Variants in FGF12 observed in about 807,000 individuals in gnomAD.
FGF12 encodes the protein fibroblast growth factor 12, also known as fibroblast growth factor 12B.
In FGF12, 14 loss-of-function variants were observed where a neutral mutation model predicts 23.6. The ratio of observed to expected loss-of-function variants is 0.59; its 90% CI spans 0.39 to 0.93. FGF12 has a LOEUF of 0.93. FGF12 is among the 40% of genes least tolerant of loss of function. FGF12 has a pLI of 0.00. For synonymous variants in FGF12, 62 were observed against 77.3 expected (o/e 0.80, Z 1.04); for missense variants, 175 against 217.8 (o/e 0.80, Z 1.24).
Position 192,141,778 on chromosome 3 carries a change from A to T in FGF12, c.*2231T>A, listed in dbSNP as rs956052727. On this transcript the variant is annotated 3_prime_UTR_variant, in exon 6 of 6. Coordinates refer to ENST00000445105, the MANE Select transcript of FGF12 (RefSeq NM_004113.6). ...ATGATTTGCATCAATTGTGTTATTT[A>T]TGAAACCATCGTTTTACTGATGAGT... 1 of 138,076 alleles carries T rather than the reference A, an allele frequency of 7.2e-6. No homozygotes were observed. The highest frequency in any genetic ancestry group is 7.3e-5 in the Admixed American group (1 of 13,676). The allele number at this position is 138,076 out of a possible 1,614,324, so 8.6% of individuals were successfully genotyped here.
intron 4 of FGF12, among the ~76,000 whole-genome samples, chr3:192,316,451 T>C (rs1022380049): frequency 6.6e-6 from 1 of 152,112 alleles, no homozygotes; most frequent in Non-Finnish European, 1.5e-5. Context: ...ACCTGTGTGT[T>C]TGGGGTAAGG....
intron 4 of FGF12, among the ~76,000 whole-genome samples, chr3:192,221,627 G>C (rs1236713564): frequency 6.6e-6 from 1 of 152,106 alleles, no homozygotes; most frequent in African/African-American, 2.4e-5. Context: ...AAGTGACTTA[G>C]GAAGGCTTAA....
At chr3:192,191,563 C>T (rs902164089) in intron 4 of FGF12, among the ~76,000 whole-genome samples, 1 of 152,174 alleles carries the variant, frequency 6.6e-6, no homozygotes, top group African/African-American at 2.4e-5. Flanking sequence ...AGGCCAGGCA[C>T]AGTGGCTCAC....
At chr3:192,641,473 C>T (rs560897184) in intron 2 of FGF12, among the ~76,000 whole-genome samples, 32 of 148,198 alleles carry the variant, frequency 2.2e-4, no homozygotes, top group African/African-American at 7.5e-4. Flanking sequence ...GGTGCAATCT[C>T]GGCTCATCAC....
At chr3:192,357,858 A>T (rs971956435) in intron 3 of FGF12, among the ~76,000 whole-genome samples, 75 of 152,346 alleles carry the variant, frequency 4.9e-4, no homozygotes, top group African/African-American at 1.7e-3. Context: ...ACTGTTAAGG[A>T]AGGCATCTTC....
intron 2 of FGF12, among the ~76,000 whole-genome samples, chr3:192,466,066 G>C (rs547088101): frequency 1.3e-5 from 2 of 152,280 alleles, no homozygotes; most frequent in African/African-American, 4.8e-5. Context: ...AGATGGTGCA[G>C]CCTCCTACAT....
intron 5 of FGF12, among the ~76,000 whole-genome samples, chr3:192,163,396 T>TA (rs1179741264): frequency 1.3e-5 from 2 of 152,178 alleles, no homozygotes; most frequent in Non-Finnish European, 2.9e-5. Flanking sequence ...GTAGGGAATG[T>TA]AAAAATGTAA....
intron 2 of FGF12, among the ~76,000 whole-genome samples, chr3:192,546,694 C>A (rs9812731): frequency 7.7e-6 from 1 of 130,082 alleles, no homozygotes; most frequent in Non-Finnish European, 1.5e-5. Context: ...ACTCAATAGA[C>A]TTTTATTGAC....
At chr3:192,413,217 C>T (rs1351922268) in intron 2 of FGF12, among the ~76,000 whole-genome samples, 1 of 152,192 alleles carries the variant, frequency 6.6e-6, no homozygotes, top group Non-Finnish European at 1.5e-5. Flanking sequence ...GGCTAGTTTA[C>T]ACATTCATTT....
intron 2 of FGF12, among the ~76,000 whole-genome samples, chr3:192,427,922 T>C (rs1721743391): frequency 1.3e-5 from 2 of 152,234 alleles, no homozygotes; most frequent in Non-Finnish European, 2.9e-5. Flanking sequence ...CTTGATTTTG[T>C]GTTTGCTTAG....
intron 2 of FGF12, among the ~76,000 whole-genome samples, chr3:192,602,819 C>G (rs981183234): frequency 1.3e-5 from 2 of 151,806 alleles, no homozygotes; most frequent in African/African-American, 4.8e-5. Flanking sequence ...AATCCAGCAG[C>G]ACACAAAAAG....
chr3:192,195,043 T>A (rs960740215), intron 4 of FGF12, among the ~76,000 whole-genome samples: 2 of 152,226 alleles, frequency 1.3e-5, no homozygotes, highest in African/African-American at 4.8e-5. Flanking sequence ...TGTCTCCCAT[T>A]GTGGTTGTCT....
At chr3:192,704,678 T>C (rs143429109) in intron 2 of FGF12, among the ~76,000 whole-genome samples, 13 of 152,362 alleles carry the variant, frequency 8.5e-5, no homozygotes, top group Non-Finnish European at 1.3e-4. Context: ...CTTTGAAGCT[T>C]TGAAGCCAGA....
At chr3:192,275,368 G>C (rs1190448110) in intron 4 of FGF12, among the ~76,000 whole-genome samples, 2 of 128,308 alleles carry the variant, frequency 1.6e-5, no homozygotes, top group East Asian at 2.0e-3. Context: ...AGACCAATTT[G>C]CTTTTTGTTT....
intron 2 of FGF12, among the ~76,000 whole-genome samples, chr3:192,468,508 G>C (rs1723072424): frequency 6.6e-6 from 1 of 152,152 alleles, no homozygotes; most frequent in East Asian, 1.9e-4. Context: ...TCACAATTTA[G>C]GGTTGTCTGC....
chr3:192,641,466 G>A (rs1222070088), intron 2 of FGF12, among the ~76,000 whole-genome samples: 2 of 147,094 alleles, frequency 1.4e-5, no homozygotes, highest in Admixed American at 1.4e-4. Context: ...GTGCAATGGT[G>A]CAATCTCGGC....
intron 2 of FGF12, among the ~76,000 whole-genome samples, chr3:192,717,746 T>C (rs1373047498): frequency 1.3e-5 from 2 of 152,250 alleles, no homozygotes; most frequent in African/African-American, 4.8e-5. Flanking sequence ...TTTTACATTA[T>C]AATTAGTGCA....
chr3:192,331,391 T>C (rs1717115867), intron 4 of FGF12, among the ~76,000 whole-genome samples: 1 of 150,834 alleles, frequency 6.6e-6, no homozygotes, highest in Non-Finnish European at 1.5e-5. Context: ...TGTACGCTCA[T>C]GTTCATTGCA....
intron 3 of FGF12, among the ~76,000 whole-genome samples, chr3:192,347,532 A>G (rs1718021027): frequency 6.6e-6 from 1 of 152,126 alleles, no homozygotes; most frequent in Admixed American, 6.6e-5. Flanking sequence ...ACGTCTCAGT[A>G]GGGCTTTTCT....
Sources: gnomAD v4.1 joint callset for allele counts (sites outside exome capture counted in the v4.1 genomes callset) on GRCh38, gnomAD v4.1.1 for gene constraint, MANE v1.5 for transcripts, NCBI Gene and HGNC (gene_info 2026-07-23, HGNC 2026-07-21) for gene names.